C12orf42: variants seen among roughly 807,000 people sequenced by gnomAD.
The protein encoded by C12orf42 is uncharacterized protein C12orf42.
In C12orf42, 25 loss-of-function variants were observed where a neutral mutation model predicts 21.6. That is an observed-to-expected ratio of 1.16 (90% confidence interval 0.84 to 1.62). The LOEUF (loss-of-function observed/expected upper bound fraction) is 1.62. Ranked by LOEUF, C12orf42 falls within the 40% of genes most tolerant of loss-of-function variation. C12orf42 has a pLI of 0.00. For synonymous variants in C12orf42, 174 were observed against 175.0 expected (o/e 0.99, Z 0.05); for missense variants, 483 against 459.3 (o/e 1.05, Z -0.47).
intron 10 of C12orf42, among the ~76,000 whole-genome samples, chr12:103,245,478 T>C (rs1174899999): frequency 6.6e-6 from 1 of 151,960 alleles, no homozygotes; most frequent in East Asian, 1.9e-4. Flanking sequence ...ATTTTTCATG[T>C]AAAAAAACAG....
rs895775265 is a variant in C12orf42 at position 103,309,458 on chromosome 12, G to A, written c.260-3113C>T. On this transcript the variant is annotated intron_variant, in intron 4 of 5. Transcript: ENST00000548883. ...ATAACATACAAAATATATGTTAATT[G>A]ACTATGTTATCAATAAGCTTCCAGT... Among the ~76,000 whole-genome samples the A allele has an allele frequency of 1.1e-4, 17 of 152,186 alleles. No homozygotes were observed. In the South Asian group the frequency reaches 3.5e-3, roughly 32 times the overall value.
chr12:103,327,740 GC>G (rs1317160155), intron 4 of C12orf42, among the ~76,000 whole-genome samples: 1 of 152,198 alleles, frequency 6.6e-6, no homozygotes, highest in African/African-American at 2.4e-5. Flanking sequence ...GAGTATGCAA[GC>G]CATATTGTTA....
chr12:103,090,569 C>A, the C12orf42 span, among the ~76,000 whole-genome samples: 2 of 152,140 alleles, frequency 1.3e-5, no homozygotes, highest in African/African-American at 4.8e-5. Context: ...TGGGGTTCTG[C>A]CCATTGAGCT....
the C12orf42 span, among the ~76,000 whole-genome samples, chr12:103,072,297 A>G: frequency 6.6e-6 from 1 of 152,170 alleles, no homozygotes; most frequent in Non-Finnish European, 1.5e-5. Flanking sequence ...AGAATTAAAT[A>G]ATAATAATGT....
At chr12:103,356,656 T>A (rs2043592742) in intron 4 of C12orf42, among the ~76,000 whole-genome samples, 1 of 151,720 alleles carries the variant, frequency 6.6e-6, no homozygotes, top group Non-Finnish European at 1.5e-5. Context: ...GTAAAAGTGT[T>A]CCTATTTCTC....
rs563095975 is a variant in C12orf42 at position 103,290,519 on chromosome 12, A to G, written n.338-13309T>C. Among the ~76,000 whole-genome samples, 12 of 152,304 alleles carry G rather than the reference A, an allele frequency of 7.9e-5. 1 individual carries two copies. In the South Asian group the frequency reaches 2.1e-3, roughly 26 times the overall value. On this transcript the variant is annotated intron_variant and non_coding_transcript_variant, in intron 4 of 6. Coordinates refer to the C12orf42 transcript ENST00000546526. ...ATTGTTAAAGTCAAACACATAAAAA[A>G]TCTTGATCTCAAAGAATTCAGCTTT...
At chr12:103,525,978 A>G in the C12orf42 span, among the ~76,000 whole-genome samples, 1 of 152,184 alleles carries the variant, frequency 6.6e-6, no homozygotes. Flanking sequence ...GTGAGCCAAG[A>G]TTGCACCACT....
At chr12:103,233,229 T>C (rs557292541), downstream of C12orf42, among the ~76,000 whole-genome samples, 112 of 152,348 alleles carry the variant, frequency 7.4e-4, 2 homozygotes, top group African/African-American at 2.6e-3. Flanking sequence ...TTTGTAGATT[T>C]GTAGTAAGTC....
intron 4 of C12orf42, among the ~76,000 whole-genome samples, chr12:103,311,846 G>A (rs539703600): frequency 1.8e-4 from 28 of 152,224 alleles, no homozygotes; most frequent in Admixed American, 3.3e-4. Flanking sequence ...ATCTGTTCAC[G>A]GTAAATCCTT....
At chr12:103,431,139 G>C (rs1950234093) in intron 2 of C12orf42, 1 of 152,020 alleles carries the variant, frequency 6.6e-6, no homozygotes, top group Non-Finnish European at 1.5e-5. Flanking sequence ...TATAATACTA[G>C]TTGACATTTA....
intron 2 of C12orf42, among the ~76,000 whole-genome samples, chr12:103,407,916 G>A (rs956754990): frequency 6.6e-6 from 1 of 152,200 alleles, no homozygotes; most frequent in African/African-American, 2.4e-5. Flanking sequence ...TAAAGGCTGA[G>A]ACTGGACCAA....
the C12orf42 span, among the ~76,000 whole-genome samples, chr12:103,520,983 C>A: frequency 4.4e-3 from 677 of 152,342 alleles, 5 homozygotes; most frequent in African/African-American, 0.015. Flanking sequence ...ATGCTGACAT[C>A]TACTATAGTG....
the C12orf42 span, among the ~76,000 whole-genome samples, chr12:103,179,415 T>C: frequency 6.2e-4 from 95 of 152,284 alleles, no homozygotes; most frequent in East Asian, 0.017. Flanking sequence ...TTGAAGAATA[T>C]GGAGGAATAA....
downstream of C12orf42, among the ~76,000 whole-genome samples, chr12:103,266,031 C>A (rs939973066): frequency 4.6e-5 from 7 of 152,068 alleles, no homozygotes; most frequent in Non-Finnish European, 2.9e-5. Context: ...AGAACATGAT[C>A]ATTGCCTGTA....
chr12:103,226,883 G>A, the C12orf42 span, among the ~76,000 whole-genome samples: 4 of 152,082 alleles, frequency 2.6e-5, no homozygotes, highest in African/African-American at 2.4e-5. Flanking sequence ...GACTAGGAAG[G>A]GACTGATGTG....
At chr12:103,212,577 T>C in the C12orf42 span, among the ~76,000 whole-genome samples, 1,616 of 152,268 alleles carry the variant, frequency 0.011, 23 homozygotes, top group African/African-American at 0.036. Flanking sequence ...TAGTGTTGGG[T>C]ATATCCATCA....
the C12orf42 span, among the ~76,000 whole-genome samples, chr12:103,511,179 A>C: frequency 1.3e-5 from 2 of 152,188 alleles, no homozygotes; most frequent in Non-Finnish European, 2.9e-5. Context: ...AAACTCACCA[A>C]GTTGTATACA....
chr12:103,082,230 A>G, the C12orf42 span, among the ~76,000 whole-genome samples: 1 of 152,260 alleles, frequency 6.6e-6, no homozygotes, highest in Non-Finnish European at 1.5e-5. Flanking sequence ...TCAAGTGACC[A>G]TATAATTTAT....
the C12orf42 span, among the ~76,000 whole-genome samples, chr12:103,101,166 C>T: frequency 5.3e-5 from 8 of 152,248 alleles, no homozygotes; most frequent in African/African-American, 1.9e-4. Flanking sequence ...GTTAGGTTGA[C>T]TGTTGCTGAT....
Sources: gnomAD v4.1 joint callset for allele counts (sites outside exome capture counted in the v4.1 genomes callset) on GRCh38, gnomAD v4.1.1 for gene constraint, MANE v1.5 for transcripts, NCBI Gene and HGNC (gene_info 2026-07-23, HGNC 2026-07-21) for gene names.